Variants in GRM5 observed in about 807,000 individuals in gnomAD.
The protein encoded by GRM5 is metabotropic glutamate receptor 5.
Under a neutral mutation model 83.1 loss-of-function variants are expected in GRM5, and 19 were observed. That is an observed-to-expected ratio of 0.23 (90% confidence interval 0.16 to 0.34). The LOEUF is 0.34. GRM5 is among the 10% of genes least tolerant of loss of function. GRM5 has a pLI of 1.00. For synonymous variants in GRM5, 675 were observed against 633.6 expected (o/e 1.07, Z -0.98); for missense variants, 1,160 against 1,588.3 (o/e 0.73, Z 4.58).
chr11:88,838,950 G>A (rs1241581971), intron 3 of GRM5, among the ~76,000 whole-genome samples: 1 of 150,108 alleles, frequency 6.7e-6, no homozygotes, highest in African/African-American at 2.5e-5. Context: ...AATTTAGGAA[G>A]AAAGGCCATC....
chr11:88,630,346 C>A (rs1471264964), intron 4 of GRM5, among the ~76,000 whole-genome samples: 1 of 152,132 alleles, frequency 6.6e-6, no homozygotes, highest in Non-Finnish European at 1.5e-5. Context: ...CCTACTGATA[C>A]ATAGTAGTTA....
intron 3 of GRM5, among the ~76,000 whole-genome samples, chr11:88,731,647 C>T (rs894463252): frequency 6.6e-6 from 1 of 151,890 alleles, no homozygotes; most frequent in Admixed American, 6.6e-5. Context: ...TTGTTGTTAA[C>T]TGCAATATCC....
chr11:88,548,970 G>A (rs1278510772), intron 8 of GRM5, among the ~76,000 whole-genome samples: 1 of 152,162 alleles, frequency 6.6e-6, no homozygotes, highest in Non-Finnish European at 1.5e-5. Flanking sequence ...TTACAGTCAA[G>A]CACAGGGGAA....
chr11:88,816,645 G>C (rs1451332179), intron 3 of GRM5, among the ~76,000 whole-genome samples: 1 of 141,482 alleles, frequency 7.1e-6, no homozygotes, highest in Non-Finnish European at 1.5e-5. Flanking sequence ...AAAAATCAAT[G>C]AAAGAGAACA....
chr11:88,517,421 G>GA (rs1415763501), intron 9 of GRM5, among the ~76,000 whole-genome samples: 2 of 151,972 alleles, frequency 1.3e-5, no homozygotes, highest in Non-Finnish European at 2.9e-5. Flanking sequence ...AGACACAGTG[G>GA]CAAAAAAAGT....
At chr11:88,561,156 T>C (rs1942744735) in intron 8 of GRM5, among the ~76,000 whole-genome samples, 1 of 152,088 alleles carries the variant, frequency 6.6e-6, no homozygotes, top group Non-Finnish European at 1.5e-5. Flanking sequence ...CTGACAACAA[T>C]TGGAGTATAT....
intron 3 of GRM5, among the ~76,000 whole-genome samples, chr11:88,833,271 A>AT (rs1401696339): frequency 6.6e-6 from 1 of 152,036 alleles, no homozygotes; most frequent in African/African-American, 2.4e-5. Flanking sequence ...TAAAAAAAAA[A>AT]CTAACTCCCG....
intron 3 of GRM5, among the ~76,000 whole-genome samples, chr11:88,829,616 G>T (rs1013619077): frequency 6.6e-6 from 1 of 152,082 alleles, no homozygotes; most frequent in Non-Finnish European, 1.5e-5. Context: ...AAGAAGTGTT[G>T]TTATTTCAAT....
At chr11:88,712,188 C>A (rs1335433246) in intron 3 of GRM5, among the ~76,000 whole-genome samples, 6 of 152,054 alleles carry the variant, frequency 3.9e-5, no homozygotes, top group Admixed American at 3.3e-4. Flanking sequence ...CAACAAGGTA[C>A]TGAGATTCAG....
intron 3 of GRM5, among the ~76,000 whole-genome samples, chr11:88,740,158 A>G (rs979356666): frequency 1.3e-5 from 2 of 152,084 alleles, no homozygotes; most frequent in Non-Finnish European, 2.9e-5. Flanking sequence ...ATATGAAAAT[A>G]TCCTATTTCT....
intron 4 of GRM5, among the ~76,000 whole-genome samples, chr11:88,648,406 A>G (rs1022190232): frequency 1.4e-5 from 2 of 140,680 alleles, no homozygotes; most frequent in African/African-American, 5.3e-5. Flanking sequence ...CGCAAGAACA[A>G]AAAACCAAAC....
chr11:88,917,434 T>G (rs1277416305), intron 2 of GRM5, among the ~76,000 whole-genome samples: 3 of 152,146 alleles, frequency 2.0e-5, no homozygotes, highest in Non-Finnish European at 4.4e-5. Context: ...GTCCAGACAT[T>G]GACAAACATC....
intron 7 of GRM5, among the ~76,000 whole-genome samples, chr11:88,589,411 A>AT (rs145841911): frequency 0.054 from 8,167 of 150,400 alleles, 537 homozygotes; most frequent in African/African-American, 0.16. Context: ...ATTAAATCAG[A>AT]TTTTTTTTTT....
At chr11:88,693,341 G>A (rs1482204670) in intron 3 of GRM5, among the ~76,000 whole-genome samples, 1 of 152,126 alleles carries the variant, frequency 6.6e-6, no homozygotes, top group African/African-American at 2.4e-5. Flanking sequence ...GAAATACAAA[G>A]TAGTGAGGAG....
chr11:88,576,089 C>G (rs1943103865), intron 7 of GRM5, among the ~76,000 whole-genome samples: 1 of 152,136 alleles, frequency 6.6e-6, no homozygotes, highest in African/African-American at 2.4e-5. Flanking sequence ...GGTCATACTG[C>G]ACATGGATAA....
intron 5 of GRM5, among the ~76,000 whole-genome samples, chr11:88,602,482 A>T (rs1318939578): frequency 6.6e-6 from 1 of 151,912 alleles, no homozygotes; most frequent in East Asian, 1.9e-4. Context: ...TCCACTTTTA[A>T]CTCTGGAATT....
Position 88,829,332 on chromosome 11 carries a change from A to G in GRM5, c.911+20574T>C, listed in dbSNP as rs1738413579. Among the ~76,000 whole-genome samples, 3 of 152,054 alleles carry G rather than the reference A, an allele frequency of 2.0e-5. No individual in the cohort carries two copies. In the South Asian group the frequency reaches 6.2e-4, roughly 31 times the overall value. ...AAAATTTGGTGGGTCGCGGAAGCAC[A>G]TGCCTATAATCCCAGCTGCTAGGGA... is the stretch of plus-strand genomic sequence containing the variant. On this transcript the variant is annotated intron_variant, in intron 3 of 9. Coordinates refer to ENST00000305447, the MANE Select transcript of GRM5 (RefSeq NM_001143831.3).
At chr11:88,559,212 A>T (rs1020679460) in intron 8 of GRM5, among the ~76,000 whole-genome samples, 1 of 152,096 alleles carries the variant, frequency 6.6e-6, no homozygotes, top group Middle Eastern at 3.2e-3. Context: ...TTCATTCAGG[A>T]TATGATGGAA....
intron 2 of GRM5, among the ~76,000 whole-genome samples, chr11:88,958,273 TTTC>T (rs1174029963): frequency 1.3e-5 from 2 of 150,430 alleles, no homozygotes; most frequent in African/African-American, 2.4e-5. Flanking sequence ...TATATGAATT[TTTC>T]TTTTTACTGC....
Sources: gnomAD v4.1 joint callset for allele counts (sites outside exome capture counted in the v4.1 genomes callset) on GRCh38, gnomAD v4.1.1 for gene constraint, MANE v1.5 for transcripts, NCBI Gene and HGNC (gene_info 2026-07-23, HGNC 2026-07-21) for gene names.